Variants in TSC22D1 observed in about 807,000 individuals in gnomAD.
The protein encoded by TSC22D1 is TSC22 domain family member 1, also known as TSC22 domain family protein 1.
A neutral mutation model predicts 74.2 loss-of-function variants in TSC22D1; 9 were observed. The ratio of observed to expected loss-of-function variants is 0.12; its 90% CI spans 0.07 to 0.21. The LOEUF (loss-of-function observed/expected upper bound fraction) is 0.21, where lower values mean the gene tolerates loss of function less well. Among genes scored for constraint, TSC22D1 ranks in the 10% least tolerant of loss-of-function variants. The pLI is 1.00. For missense variants in TSC22D1, 1,427 were observed against 1,304.7 expected (o/e 1.09, Z -1.44); for synonymous variants, 586 against 492.5 (o/e 1.19, Z -2.51).
At chr13:44,565,866 A>C (rs1012755258) in intron 1 of TSC22D1, among the ~76,000 whole-genome samples, 2 of 152,206 alleles carry the variant, frequency 1.3e-5, no homozygotes, top group Non-Finnish European at 2.9e-5. Context: ...AACAAGAAAT[A>C]AAATTTACAT....
chr13:44,455,224 T>C (rs1433564057), intron 1 of TSC22D1, among the ~76,000 whole-genome samples: 1 of 152,074 alleles, frequency 6.6e-6, no homozygotes, highest in Non-Finnish European at 1.5e-5. Flanking sequence ...GAGTTTTGAG[T>C]AAAGACCTAA....
In TSC22D1 at chr13:44,517,849, ATATATATATTTTTTTTTT is replaced by A. The variant is rs1566149886; in HGVS notation, c.2912+55296_2912+55313del. Among the ~76,000 whole-genome samples, 26 of 22,790 alleles carry A rather than the reference ATATATATATTTTTTTTTT, an allele frequency of 1.1e-3. 1 individual carries two copies. Among genetic ancestry groups the A allele is most frequent in the African/African-American group, 2.2e-3 (24 of 10,848 alleles). The allele number at this position is 22,790 out of a possible 152,430, so 15.0% of individuals were successfully genotyped here. A position where few individuals can be genotyped will look rare whatever the true frequency, so the allele number is the denominator to read the frequency against. On this transcript the variant is annotated intron_variant, in intron 1 of 2. Coordinates refer to ENST00000458659, the MANE Select transcript of TSC22D1 (RefSeq NM_183422.4). Reference sequence around the variant, plus strand: ...TGTGTGTATATATATATATATATATATATATATATTTTTTTTTTTTTTTTTTTTTTAACAAGGTCTCAC... The same window carrying A: ...TGTGTGTATATATATATATATATATATTTTTTTTTTTTAACAAGGTCTCAC...
rs1239990748 is a variant in TSC22D1, at chr13:44,432,867, C to T, written c.*1759G>A. On this transcript the variant is annotated 3_prime_UTR_variant, in exon 3 of 3. Coordinates refer to ENST00000458659, the MANE Select transcript of TSC22D1 (RefSeq NM_183422.4). ...CTACTGCAGAGTGGGATCCCTCAGG[C>T]TCACTCCTCAGGTGCCAGGGGCCAA... The T allele has an allele frequency of 2.0e-5, 3 of 152,208 alleles. No homozygotes were observed. Among genetic ancestry groups the T allele is most frequent in the African/African-American group, 7.2e-5 (3 of 41,454 alleles). 9.4% of individuals were successfully genotyped at this position (152,208 alleles called of 1,614,324 possible).
chr13:44,435,970 C>T, intron 2 of TSC22D1, 74 bp downstream of exon 2: 2 of 1,380,438 alleles, frequency 1.4e-6, no homozygotes, highest in Non-Finnish European at 1.0e-6. Flanking sequence ...CTTAGGGATG[C>T]ACTGGTTCCA....
chr13:44,554,005 A>G (rs1882457263), intron 1 of TSC22D1, among the ~76,000 whole-genome samples: 1 of 152,224 alleles, frequency 6.6e-6, no homozygotes, highest in Admixed American at 6.5e-5. Context: ...GCTGCTTTAG[A>G]AAATTATGTA....
chr13:44,559,363 T>G (rs1411385908), intron 1 of TSC22D1, among the ~76,000 whole-genome samples: 3 of 152,128 alleles, frequency 2.0e-5, no homozygotes, highest in Non-Finnish European at 2.9e-5. Context: ...AAGCAGCATT[T>G]TTTCCTAAAT....
chr13:44,549,817 C>CAGCA (rs1882106408), intron 1 of TSC22D1, among the ~76,000 whole-genome samples: 1 of 148,298 alleles, frequency 6.7e-6, no homozygotes, highest in Non-Finnish European at 1.5e-5. Flanking sequence ...GCGGCAAGAA[C>CAGCA]AGCAAGCAAG....
rs888229294 is a variant in TSC22D1, at chr13:44,576,054, G to A, written c.21C>T (p.Ser7=). 1.9e-5 allele frequency: 29 copies of A among 1,564,274 alleles called. No homozygotes were observed. The highest frequency in any genetic ancestry group is 2.5e-5 in the Non-Finnish European group (29 of 1,157,488). The stretch of plus-strand genomic sequence containing the variant: ...CTGCAGCGGCGGCGGCCGCGGCGGT[G>A]GACTCAGGCGGCTGGTGCATTGTGT... MHQPPE[S]TAAAAAAADI... The change falls in exon 1 of 3, where the codon TCC becomes TCT. Residue 7 remains serine, a synonymous_variant. Coordinates refer to ENST00000458659, the MANE Select transcript of TSC22D1 (RefSeq NM_183422.4).
intron 1 of TSC22D1, among the ~76,000 whole-genome samples, chr13:44,460,091 G>A (rs1355792754): frequency 6.6e-6 from 1 of 152,226 alleles, no homozygotes; most frequent in African/African-American, 2.4e-5. Flanking sequence ...CAAGGATCCT[G>A]TGACAATAAT....
rs1160334429 is a variant in TSC22D1, at chr13:44,504,155, TACTTG to T, written c.2913-68065_2913-68061del. Among the ~76,000 whole-genome samples the T allele has an allele frequency of 7.4e-5, 11 of 148,824 alleles. No individual in the cohort carries two copies. The South Asian group carries it at 1.7e-3, about 23-fold the overall frequency. On this transcript the variant is annotated intron_variant, in intron 1 of 2. Transcript: ENST00000458659. ...TACAAATGAAAAAAAAAAAAAAAAC[TACTTG>T]ACTTGACTTGAAGCCAGAAAAAGCA...
At chr13:44,532,923 T>C (rs994282651) in intron 1 of TSC22D1, among the ~76,000 whole-genome samples, 2 of 152,144 alleles carry the variant, frequency 1.3e-5, no homozygotes, top group Non-Finnish European at 2.9e-5. Context: ...GGGATCAGAC[T>C]TGCTCTGTCG....
At chr13:44,507,248 G>A (rs556516879) in intron 1 of TSC22D1, among the ~76,000 whole-genome samples, 1 of 152,094 alleles carries the variant, frequency 6.6e-6, no homozygotes, top group East Asian at 1.9e-4. Flanking sequence ...TGGGAGGAAG[G>A]GTTAACAGCC....
chr13:44,481,617 G>A (rs139261587), intron 1 of TSC22D1, among the ~76,000 whole-genome samples: 164 of 152,184 alleles, frequency 1.1e-3, no homozygotes, highest in African/African-American at 3.7e-3. Flanking sequence ...AACAATACTC[G>A]GTGCTGATCA....
At chr13:44,538,322 C>T (rs1223604338) in intron 1 of TSC22D1, 4 of 985,060 alleles carry the variant, frequency 4.1e-6, no homozygotes, top group Non-Finnish European at 3.6e-6. Flanking sequence ...TCAAGACCAG[C>T]GAAGATGAGC....
chr13:44,534,174 C>A (rs1016415154), intron 1 of TSC22D1, among the ~76,000 whole-genome samples: 1 of 148,732 alleles, frequency 6.7e-6, no homozygotes. Context: ...TGCAGTAAGC[C>A]AGGATTGAGC....
intron 1 of TSC22D1, among the ~76,000 whole-genome samples, chr13:44,517,778 C>CAT (rs1185701350): frequency 9.7e-5 from 11 of 113,764 alleles, no homozygotes; most frequent in African/African-American, 1.3e-4. Context: ...TATATATATA[C>CAT]ACATATATAT....
At chr13:44,509,950 C>CAAAAAAAAAAAAAAAAAAAAAAAAGA in intron 1 of TSC22D1, among the ~76,000 whole-genome samples, 3 of 51,424 alleles carry the variant, frequency 5.8e-5, no homozygotes, top group African/African-American at 7.5e-5. Context: ...AGAAAATAAG[C>CAAAAAAAAAAAAAAAAAAAAAAAAGA]AAAAAAAAAA....
chr13:44,454,582 T>C (rs1876415611), intron 1 of TSC22D1, among the ~76,000 whole-genome samples: 1 of 150,784 alleles, frequency 6.6e-6, no homozygotes, highest in South Asian at 2.1e-4. Flanking sequence ...TTAGTTACTA[T>C]GTTTATTGGC....
In TSC22D1 at chr13:44,574,638, G is replaced by C. The variant is rs1439684749; in HGVS notation, c.1437C>G (p.His479Gln). ...SVSSSVSTLS[H>Q]YTESVGSGEM... ...CTCCACTTCCCACACTCTCTGTATAGTGACTCAGTGTGCTGACACTACTGC... is the reference window on the plus strand; with the variant it reads ...CTCCACTTCCCACACTCTCTGTATACTGACTCAGTGTGCTGACACTACTGC... Residue 479 changes from histidine (H) to glutamine (Q), a missense_variant, in exon 1 of 3, where the codon CAC (histidine) becomes CAG (glutamine). This residue lies in a region of TSC22D1 where 1,343 missense variants were observed against 1,191.5 expected (regional missense o/e 1.13). Coordinates refer to ENST00000458659, the MANE Select transcript of TSC22D1 (RefSeq NM_183422.4). The C allele has an allele frequency of 6.2e-7, 1 of 1,614,040 alleles. No homozygotes were observed. The highest frequency in any genetic ancestry group is 8.5e-7 in the Non-Finnish European group (1 of 1,180,032).
Sources: gnomAD v4.1 joint callset for allele counts (sites outside exome capture counted in the v4.1 genomes callset) on GRCh38, gnomAD v4.1.1 for gene constraint, gnomAD v4.1.1 regional missense constraint, MANE v1.5 for transcripts, NCBI Gene and HGNC (gene_info 2026-07-23, HGNC 2026-07-21) for gene names.